Variants in DRC4 observed in about 807,000 individuals in gnomAD.
The protein encoded by DRC4 is GAS-11.
At chr16:90,022,600 G>T in the DRC4 span, 2 of 1,135,540 alleles carry the variant, frequency 1.8e-6, no homozygotes. Flanking sequence ...GCTGCCCGGC[G>T]GAGTCTCGCG....
the DRC4 span, among the ~76,000 whole-genome samples, chr16:90,034,284 C>T: frequency 2.0e-5 from 3 of 152,142 alleles, no homozygotes; most frequent in Admixed American, 6.5e-5. Context: ...TAACCCAGGT[C>T]CTGGATATGA....
the DRC4 span, chr16:90,044,307 C>T: frequency 1.5e-3 from 625 of 425,920 alleles, 1 homozygote; most frequent in African/African-American, 0.012. Flanking sequence ...AGGTGAGTGA[C>T]GGGTGTGTCC....
chr16:90,043,152 AG>A, the DRC4 span: 1 of 1,577,046 alleles, frequency 6.3e-7, no homozygotes, highest in South Asian at 1.1e-5. Context: ...GGTGGTCCTG[AG>A]CGTGGGGACC....
the DRC4 span, chr16:90,027,608 C>G: frequency 1.9e-6 from 3 of 1,607,758 alleles, no homozygotes; most frequent in East Asian, 4.5e-5. Flanking sequence ...CTGTTAGAGT[C>G]TCTCTTACCC....
chr16:90,027,740 T>C, the DRC4 span: 2 of 1,610,448 alleles, frequency 1.2e-6, no homozygotes, highest in Non-Finnish European at 1.7e-6. Context: ...GAGCGGGCTG[T>C]GGCCCAGTCC....
At chr16:90,043,732 C>T in the DRC4 span, 1 of 481,162 alleles carries the variant, frequency 2.1e-6, no homozygotes, top group African/African-American at 2.0e-5. Flanking sequence ...CAGGTGCTGG[C>T]ACTAACTTCA....
the DRC4 span, among the ~76,000 whole-genome samples, chr16:90,027,367 C>G: frequency 6.6e-6 from 1 of 152,108 alleles, no homozygotes; most frequent in Non-Finnish European, 1.5e-5. Context: ...GGATTACAGG[C>G]GTGAGCCACC....
At chr16:90,029,839 C>G in the DRC4 span, 1 of 168,042 alleles carries the variant, frequency 6.0e-6, no homozygotes, top group African/African-American at 2.4e-5. Context: ...TCACTGCAAG[C>G]TCCACCTCCT....
the DRC4 span, chr16:90,022,735 G>A: frequency 1.4e-6 from 2 of 1,415,442 alleles, no homozygotes; most frequent in South Asian, 2.8e-5. Flanking sequence ...GTGAGCAGGG[G>A]CGGGAGCGGG....
the DRC4 span, among the ~76,000 whole-genome samples, chr16:90,039,057 G>A: frequency 6.6e-6 from 1 of 152,236 alleles, no homozygotes; most frequent in Non-Finnish European, 1.5e-5. Flanking sequence ...GACACCTCAG[G>A]TCCTGCACGA....
At chr16:90,037,590 C>T in the DRC4 span, among the ~76,000 whole-genome samples, 1 of 152,204 alleles carries the variant, frequency 6.6e-6, no homozygotes, top group Non-Finnish European at 1.5e-5. Context: ...ACAAGGCCCT[C>T]ATCTTCACCA....
the DRC4 span, chr16:90,040,107 A>G: frequency 1.6e-6 from 1 of 618,694 alleles, no homozygotes; most frequent in Non-Finnish European, 2.9e-6. Flanking sequence ...CCTGCCTTCC[A>G]CTGCGTGGAT....
the DRC4 span, chr16:90,043,450 C>T: frequency 1.8e-6 from 2 of 1,138,660 alleles, no homozygotes; most frequent in African/African-American, 1.6e-5. Context: ...TTATCATCAG[C>T]AAATGAAAGC....
chr16:90,044,038 C>T, the DRC4 span: 1 of 434,326 alleles, frequency 2.3e-6, no homozygotes, highest in South Asian at 1.7e-5. Context: ...CAGCAAACCA[C>T]CTATCTGGCC....
the DRC4 span, chr16:90,032,935 C>T: frequency 1.6e-5 from 25 of 1,609,208 alleles, no homozygotes; most frequent in East Asian, 2.7e-4. Context: ...GTAGGTGTGG[C>T]GGGGGCACCT....
chr16:90,042,230 C>G, the DRC4 span: 9 of 570,042 alleles, frequency 1.6e-5, no homozygotes, highest in Non-Finnish European at 2.3e-5. Context: ...GCGGCAGTGC[C>G]TGGCCTGGAC....
the DRC4 span, among the ~76,000 whole-genome samples, chr16:90,033,504 T>A: frequency 1.3e-5 from 2 of 152,168 alleles, no homozygotes; most frequent in Admixed American, 1.3e-4. Context: ...GTCTAAAAAA[T>A]TTAAAAGAAA....
At chr16:90,028,047 C>T in the DRC4 span, 3 of 266,322 alleles carry the variant, frequency 1.1e-5, no homozygotes, top group Non-Finnish European at 1.4e-5. Context: ...TGTGTATAGA[C>T]TTATCGTAGA....
At chr16:90,027,630 C>G in the DRC4 span, 2 of 1,614,054 alleles carry the variant, frequency 1.2e-6, no homozygotes, top group South Asian at 2.2e-5. Context: ...ATTATTTCCA[C>G]CAAAGGCACC....
Sources: gnomAD v4.1 joint callset for allele counts (sites outside exome capture counted in the v4.1 genomes callset) on GRCh38, gnomAD v4.1.1 for gene constraint, MANE v1.5 for transcripts, NCBI Gene and HGNC (gene_info 2026-07-23, HGNC 2026-07-21) for gene names.